The following CTNNA2 variants were observed in gnomAD, a reference collection of about 807,000 sequenced individuals.
CTNNA2 encodes the protein catenin alpha-2.
Under a neutral mutation model 101.0 loss-of-function variants are expected in CTNNA2, and 42 were observed. The observed-to-expected ratio is 0.42, with a 90% CI of 0.32 to 0.54. CTNNA2 has a LOEUF of 0.54. Ranked by LOEUF, CTNNA2 falls within the 20% of genes least tolerant of loss-of-function variation. CTNNA2 has a pLI of 0.14. For synonymous variants in CTNNA2, 450 were observed against 456.4 expected (o/e 0.99, Z 0.18); for missense variants, 871 against 1,223.1 (o/e 0.71, Z 4.29).
chr2:80,138,223 A>T (rs953756770), intron 7 of CTNNA2, among the ~76,000 whole-genome samples: 8 of 152,150 alleles, frequency 5.3e-5, no homozygotes, highest in Admixed American at 2.0e-4. Context: ...TCCTTTGCTT[A>T]AAATCCTTTA....
chr2:79,739,837 G>A (rs1205141188), intron 2 of CTNNA2, among the ~76,000 whole-genome samples: 5 of 152,136 alleles, frequency 3.3e-5, no homozygotes, highest in Non-Finnish European at 7.3e-5. Flanking sequence ...ATCCAGTTAT[G>A]CAAAAGGTGA....
intron 9 of CTNNA2, among the ~76,000 whole-genome samples, chr2:80,451,682 G>A (rs1168874507): frequency 6.6e-6 from 1 of 152,114 alleles, no homozygotes; most frequent in Non-Finnish European, 1.5e-5. Context: ...TCTTAGATCA[G>A]GCAATAATTC....
intron 8 of CTNNA2, among the ~76,000 whole-genome samples, chr2:80,411,293 C>T (rs551597624): frequency 1.9e-4 from 28 of 151,224 alleles, no homozygotes; most frequent in African/African-American, 5.8e-4. Flanking sequence ...TTTTTTTTTC[C>T]GATCCCTAAA....
At chr2:80,569,511 A>G (rs1573306112) in intron 12 of CTNNA2, among the ~76,000 whole-genome samples, 1 of 152,062 alleles carries the variant, frequency 6.6e-6, no homozygotes, top group East Asian at 1.9e-4. Context: ...CTGTTAATAC[A>G]CAATGTGTGC....
At chr2:80,444,222 A>G (rs1682866812) in intron 9 of CTNNA2, among the ~76,000 whole-genome samples, 2 of 152,202 alleles carry the variant, frequency 1.3e-5, no homozygotes, top group South Asian at 2.1e-4. Context: ...ATCAAGGGCA[A>G]TAAGGATGGG....
intron 9 of CTNNA2, among the ~76,000 whole-genome samples, chr2:80,513,471 T>C (rs1688870436): frequency 6.6e-6 from 1 of 152,256 alleles, no homozygotes. Flanking sequence ...ATATCAGTTT[T>C]AGGTACGGTT....
chr2:79,706,879 G>C (rs1257754339), intron 2 of CTNNA2, among the ~76,000 whole-genome samples: 2 of 152,158 alleles, frequency 1.3e-5, no homozygotes, highest in Non-Finnish European at 2.9e-5. Context: ...AGAGGAATAA[G>C]CATCTTTATC....
At chr2:80,351,770 C>T (rs763159377) in intron 7 of CTNNA2, among the ~76,000 whole-genome samples, 2 of 152,044 alleles carry the variant, frequency 1.3e-5, no homozygotes, top group Non-Finnish European at 2.9e-5. Flanking sequence ...TGGCCAAATT[C>T]GGTACTTTAG....
intron 3 of CTNNA2, among the ~76,000 whole-genome samples, chr2:79,820,351 T>A (rs1016841109): frequency 1.3e-5 from 2 of 152,302 alleles, no homozygotes; most frequent in East Asian, 3.9e-4. Flanking sequence ...TTTATCCCAA[T>A]TCTCTAGTAG....
rs187373387 is a variant in CTNNA2 at position 79,266,619 on chromosome 2, T to G, written c.-405-46090T>G. Among the ~76,000 whole-genome samples, 603 of 152,220 alleles carry G rather than the reference T, an allele frequency of 4.0e-3. 5 individuals carry two copies. Among genetic ancestry groups the G allele is most frequent in the African/African-American group, 0.014 (581 of 41,544 alleles). The stretch of plus-strand genomic sequence containing the variant: ...TGAAATGGGGTTGCTTTCATGATGG[T>G]TGGCAGCAAGATCTCGGTGGTGGTG... On this transcript the variant is annotated intron_variant, in intron 2 of 21. Coordinates refer to the CTNNA2 transcript ENST00000466387.
At chr2:79,799,990 A>G (rs1016263847) in intron 3 of CTNNA2, among the ~76,000 whole-genome samples, 1 of 152,176 alleles carries the variant, frequency 6.6e-6, no homozygotes, top group Non-Finnish European at 1.5e-5. Flanking sequence ...CATGATCTGA[A>G]AGGCCAAGTG....
chr2:80,462,770 A>G (rs921297046), intron 9 of CTNNA2, among the ~76,000 whole-genome samples: 2 of 151,590 alleles, frequency 1.3e-5, no homozygotes, highest in East Asian at 2.0e-4. Context: ...TCCAGGAATT[A>G]GTCTACGCAC....
chr2:80,215,191 C>T (rs537418595), intron 7 of CTNNA2, among the ~76,000 whole-genome samples: 9 of 152,184 alleles, frequency 5.9e-5, no homozygotes, highest in African/African-American at 2.2e-4. Context: ...AGCTTCTTTA[C>T]AATGGGTTAG....
At chr2:80,267,960 G>T (rs996953928) in intron 7 of CTNNA2, among the ~76,000 whole-genome samples, 5 of 152,202 alleles carry the variant, frequency 3.3e-5, no homozygotes, top group African/African-American at 1.2e-4. Flanking sequence ...TGCCCTAGAG[G>T]CGTCTTAAGA....
intron 8 of CTNNA2, among the ~76,000 whole-genome samples, chr2:80,414,654 C>T (rs1467063113): frequency 6.6e-6 from 1 of 152,108 alleles, no homozygotes; most frequent in Non-Finnish European, 1.5e-5. Context: ...TCTGTTTCAC[C>T]CAGATGAAAA....
Position 79,586,723 on chromosome 2 carries a change from T to G in CTNNA2, c.-5-64829T>G, listed in dbSNP as rs575985367. On this transcript the variant is annotated intron_variant, in intron 1 of 18. Coordinates refer to ENST00000402739, the MANE Select transcript of CTNNA2 (RefSeq NM_001282597.3). ...TGGGAGACAGGTGGTTTTTGTTACA[T>G]GAACAAGTTCTTTAGTGGTGATTTC... Among the ~76,000 whole-genome samples, 3 of 152,272 alleles carry G rather than the reference T, an allele frequency of 2.0e-5. No homozygotes were observed. The South Asian group carries it at 6.2e-4, about 32-fold the overall frequency.
Position 79,776,132 on chromosome 2 carries a change from A to G in CTNNA2, c.298+31550A>G, listed in dbSNP as rs550945282. 2.0e-5 allele frequency among the ~76,000 whole-genome samples: 3 copies of G among 152,372 alleles called. No individual in the cohort carries two copies. The East Asian group carries it at 5.8e-4, about 29-fold the overall frequency. On this transcript the variant is annotated intron_variant, in intron 3 of 18. Coordinates refer to ENST00000402739, the MANE Select transcript of CTNNA2 (RefSeq NM_001282597.3). ...ATTCTGGCACAGTTTAATGAAGACCAGTAAACTTTCATCTGCCTGAAATTT... is the reference window on the plus strand; with the variant it reads ...ATTCTGGCACAGTTTAATGAAGACCGGTAAACTTTCATCTGCCTGAAATTT...
At chr2:79,903,136 G>A (rs1048271208) in intron 6 of CTNNA2, among the ~76,000 whole-genome samples, 4 of 152,154 alleles carry the variant, frequency 2.6e-5, no homozygotes, top group Admixed American at 6.5e-5. Context: ...TGCATTATTG[G>A]TGTTGTTAGT....
chr2:80,008,170 T>C (rs1431383655), intron 7 of CTNNA2, among the ~76,000 whole-genome samples: 1 of 152,184 alleles, frequency 6.6e-6, no homozygotes, highest in African/African-American at 2.4e-5. Flanking sequence ...TATTTTGACA[T>C]ACTGTGTGGT....
Sources: gnomAD v4.1 joint callset for allele counts (sites outside exome capture counted in the v4.1 genomes callset) on GRCh38, gnomAD v4.1.1 for gene constraint, MANE v1.5 for transcripts, NCBI Gene and HGNC (gene_info 2026-07-23, HGNC 2026-07-21) for gene names.